Variants in EIF4E2 observed in about 807,000 individuals in gnomAD.
The protein encoded by EIF4E2 is eukaryotic translation initiation factor 4E family member 2, also known as eukaryotic translation initiation factor 4E type 2.
A neutral mutation model predicts 34.2 loss-of-function variants in EIF4E2; 13 were observed. The observed-to-expected ratio is 0.38, with a 90% CI of 0.25 to 0.60. The LOEUF (loss-of-function observed/expected upper bound fraction) is 0.60, where lower values mean the gene tolerates loss of function less well. Ranked by LOEUF, EIF4E2 falls within the 20% of genes least tolerant of loss-of-function variation. EIF4E2 has a pLI of 0.62. For missense variants in EIF4E2, 222 were observed against 315.1 expected (o/e 0.70, Z 2.24); for synonymous variants, 100 against 106.6 (o/e 0.94, Z 0.38).
chr2:232,552,920 T>C (rs966405274), intron 1 of EIF4E2, among the ~76,000 whole-genome samples: 11 of 152,236 alleles, frequency 7.2e-5, no homozygotes, highest in African/African-American at 2.7e-4. Context: ...GTTTAGGCCA[T>C]TGCTGCATAT....
At chr2:232,558,709 A>T (rs1692610744) in intron 3 of EIF4E2, 2 of 151,876 alleles carry the variant, frequency 1.3e-5, no homozygotes, top group African/African-American at 4.8e-5. Flanking sequence ...GTCTATCTTC[A>T]TGAAGTTTGA....
intron 6 of EIF4E2, among the ~76,000 whole-genome samples, chr2:232,575,523 G>A (rs1211174234): frequency 6.6e-6 from 1 of 152,194 alleles, no homozygotes; most frequent in Admixed American, 6.5e-5. Flanking sequence ...GCTACTTGGA[G>A]GCTGTGGTGG....
intron 1 of EIF4E2, 134 bp from the exon 2 acceptor site, chr2:232,556,282 C>A: frequency 3.1e-6 from 2 of 653,642 alleles, no homozygotes; most frequent in South Asian, 3.8e-5. Context: ...TTATTTTGCC[C>A]TTCTTACATC....
rs886127122 is a variant in EIF4E2 at position 232,581,981 on chromosome 2, C to G, written c.*1038C>G. On this transcript the variant is annotated 3_prime_UTR_variant, in exon 7 of 7. Transcript: ENST00000409098. The surrounding 1 kb of genome is among the most constrained non-coding windows in gnomAD (Gnocchi z 5.2). Reference sequence around the variant, plus strand: ...CTGTCTGCAGTGGTTGAGTCCTCATCACCTGGTATGTGTATGAGCAAATGT... The same window carrying G: ...CTGTCTGCAGTGGTTGAGTCCTCATGACCTGGTATGTGTATGAGCAAATGT... 6.6e-6 allele frequency: 1 copy of G among 152,298 alleles called. No homozygotes were observed. The highest frequency in any genetic ancestry group is 2.4e-5 in the African/African-American group (1 of 41,460). 9.4% of individuals were successfully genotyped at this position (152,298 alleles called of 1,614,324 possible). A position where few individuals can be genotyped will look rare whatever the true frequency, so the allele number is the denominator to read the frequency against.
At chr2:232,556,596 GT>G in intron 2 of EIF4E2, 66 bp downstream of exon 2, 1 of 1,195,864 alleles carries the variant, frequency 8.4e-7, no homozygotes, top group Non-Finnish European at 1.2e-6. Context: ...TGTGGAATCT[GT>G]TTATCTGGAA....
At position 232,556,468 on chromosome 2, in the gene EIF4E2, C is replaced by T; in HGVS notation, c.73C>T (p.Gln25Ter). 1 of 1,613,754 alleles carries T rather than the reference C, an allele frequency of 6.2e-7. No individual in the cohort carries two copies. Residue 25 changes from glutamine to a stop codon, truncating the protein, a stop_gained, in exon 2 of 7, where the codon CAG becomes TAG. Transcript: ENST00000258416. LOFTEE classifies it high-confidence loss of function. ...DHDQNEENST[Q>*]KDGEKEKTER... is the part of the protein sequence containing the mutation. ...TGATCAGAATGAAGAAAACAGCACACAGAAAGATGGTGAGAAGGAAAAAAC... is the reference window on the plus strand; with the variant it reads ...TGATCAGAATGAAGAAAACAGCACATAGAAAGATGGTGAGAAGGAAAAAAC...
At chr2:232,557,425 G>A (rs929105716) in intron 2 of EIF4E2, 78 of 160,446 alleles carry the variant, frequency 4.9e-4, no homozygotes, top group Middle Eastern at 6.3e-3. Flanking sequence ...TGTTGTGCAC[G>A]TACTCTGTGC....
chr2:232,562,550 A>G (rs1214974698), intron 3 of EIF4E2, among the ~76,000 whole-genome samples: 1 of 152,040 alleles, frequency 6.6e-6, no homozygotes, highest in South Asian at 2.1e-4. Flanking sequence ...AGGCTGCACC[A>G]TTGCACTCCA....
chr2:232,579,974 C>G (rs917718290), intron 6 of EIF4E2, among the ~76,000 whole-genome samples: 1 of 151,930 alleles, frequency 6.6e-6, no homozygotes, highest in African/African-American at 2.4e-5. Flanking sequence ...GCTAGGATGT[C>G]ATTAGATTTC....
At chr2:232,556,290 A>G in intron 1 of EIF4E2, 126 bp from the exon 2 acceptor site, 1 of 693,778 alleles carries the variant, frequency 1.4e-6, no homozygotes, top group Non-Finnish European at 2.5e-6. Context: ...CCCTTCTTAC[A>G]TCTCAGGGCC....
intron 6 of EIF4E2, among the ~76,000 whole-genome samples, chr2:232,579,159 CACACACA>C (rs769268431): frequency 2.1e-5 from 3 of 143,868 alleles, no homozygotes; most frequent in Non-Finnish European, 4.5e-5. Context: ...CACACACACA[CACACACA>C]CCAGTTATGC....
chr2:232,578,505 C>T (rs1231488719), intron 6 of EIF4E2, among the ~76,000 whole-genome samples: 1 of 152,008 alleles, frequency 6.6e-6, no homozygotes, highest in African/African-American at 2.4e-5. Flanking sequence ...GTGGTGCACG[C>T]CTGTAGTTCC....
chr2:232,551,050 C>T (rs1692293830), intron 1 of EIF4E2: 1 of 618,164 alleles, frequency 1.6e-6, no homozygotes, highest in South Asian at 1.7e-5. Context: ...TTGCCTGCGA[C>T]GTGGAGGGGT....
At chr2:232,580,953 A>G (rs1374989549) in exon 7 of EIF4E2, 40 of 1,550,274 alleles carry the variant, frequency 2.6e-5, no homozygotes, top group Non-Finnish European at 3.5e-5. Flanking sequence ...AGAGTACACA[A>G]GCTGGCAATA....
chr2:232,580,504 C>G lies in EIF4E2; in HGVS notation c.666-400C>G, dbSNP rs1370476858. ...ATATGAGCAAGTATGAACCTATAAC[C>G]TTGTTTCCCTACCCCCATTTACACA... On this transcript the variant is annotated intron_variant, in intron 6 of 6. Transcript: ENST00000409098. Among the ~76,000 whole-genome samples the G allele has an allele frequency of 2.0e-5, 3 of 152,256 alleles. No individual in the cohort carries two copies. The South Asian group carries it at 6.2e-4, about 32-fold the overall frequency.
downstream of EIF4E2, chr2:232,569,818 C>T (rs1369484184): frequency 4.6e-5 from 7 of 152,148 alleles, no homozygotes; most frequent in African/African-American, 1.4e-4. Context: ...CTCCTGGGCC[C>T]GGTGTTACTG....
Position 232,568,470 on chromosome 2 carries a change from T to C in EIF4E2, c.666-475T>C, listed in dbSNP as rs975140966. ...TACTCTGGGCACATTTTTCTTATTC[T>C]CTATTCTGGGATAGAAGTAGTTTCT... On this transcript the variant is annotated intron_variant, in intron 6 of 6. Coordinates refer to ENST00000258416, the MANE Select transcript of EIF4E2 (RefSeq NM_004846.4). 38 of 985,196 alleles carry C rather than the reference T, an allele frequency of 3.9e-5. No individual in the cohort carries two copies. The African/African-American group carries it at 6.3e-4, about 16-fold the overall frequency. 61.0% of individuals were successfully genotyped at this position (985,196 alleles called of 1,614,324 possible).
At chr2:232,576,958 TG>T (rs1488597337) in intron 6 of EIF4E2, among the ~76,000 whole-genome samples, 2 of 152,262 alleles carry the variant, frequency 1.3e-5, no homozygotes, top group Non-Finnish European at 2.9e-5. Flanking sequence ...TGTCATTACC[TG>T]TGACTGTTAG....
At chr2:232,575,700 G>A (rs1331404548) in intron 6 of EIF4E2, among the ~76,000 whole-genome samples, 1 of 152,152 alleles carries the variant, frequency 6.6e-6, no homozygotes, top group Non-Finnish European at 1.5e-5. Flanking sequence ...GAGGAAAAAG[G>A]TACCAGCTTT....
Sources: gnomAD v4.1 joint callset for allele counts (sites outside exome capture counted in the v4.1 genomes callset) on GRCh38, gnomAD v4.1.1 for gene constraint, Gnocchi (gnomAD v3.1) non-coding constraint, MANE v1.5 for transcripts, NCBI Gene and HGNC (gene_info 2026-07-23, HGNC 2026-07-21) for gene names.